IL33: variants seen among roughly 807,000 people sequenced by gnomAD.
IL33 encodes the protein interleukin-33.
IL33 carries 37 observed loss-of-function variants against 27.3 expected under a neutral mutation model. That is an observed-to-expected ratio of 1.36 (90% CI 1.04 to 1.78). The LOEUF (loss-of-function observed/expected upper bound fraction) is 1.78, where lower values mean the gene tolerates loss of function less well. Ranked by LOEUF, IL33 falls within the 40% of genes most tolerant of loss-of-function variation. The probability of loss-of-function intolerance (pLI) is 0.00; values close to 1 mark genes in which losing one functional copy is unlikely to be tolerated. For missense variants in IL33, 406 were observed against 311.4 expected, an observed-to-expected ratio of 1.30 and a Z score of -2.29; for synonymous variants, 132 against 102.9, an observed-to-expected ratio of 1.28 and a Z score of -1.71.
At chr9:6,251,349 C>T (rs1816347006) in intron 4 of IL33, 84 bp downstream of exon 4, 1 of 1,568,358 alleles carries the variant, frequency 6.4e-7, no homozygotes, top group Non-Finnish European at 8.6e-7. Context: ...AGGTAGCAGT[C>T]CCAAGTCTGT....
intron 6 of IL33, among the ~76,000 whole-genome samples, 176 bp from the exon 7 acceptor site, chr9:6,254,286 C>T (rs536971440): frequency 5.9e-5 from 9 of 152,092 alleles, no homozygotes; most frequent in Admixed American, 1.3e-4. Context: ...TTTATAAGTA[C>T]CCTCTACTTA....
In IL33 at chr9:6,257,817, T is replaced by TCTC. The variant is rs1816825632; in HGVS notation, c.*1649_*1650insCTC. 1 of 152,164 alleles carries TCTC rather than the reference T, an allele frequency of 6.6e-6. No individual in the cohort carries two copies. The highest frequency in any genetic ancestry group is 1.5e-5 in the Non-Finnish European group (1 of 68,014). The allele number at this position is 152,164 out of a possible 1,614,324, so 9.4% of individuals were successfully genotyped here. On this transcript the variant is annotated 3_prime_UTR_variant, in exon 8 of 8. Transcript: ENST00000682010. ...CTTTGTTTCATTGTTCTGTCAATAA[T>TCTC]TGTTACCAAAGAGATAAAAATAAAA... is the stretch of plus-strand genomic sequence containing the variant.
intron 2 of IL33, among the ~76,000 whole-genome samples, chr9:6,248,868 A>T (rs926020685): frequency 6.6e-6 from 1 of 152,106 alleles, no homozygotes; most frequent in Admixed American, 6.5e-5. Context: ...TGTGAGCCAC[A>T]GCACCTGGCC....
chr9:6,238,153 C>T (rs766270048), intron 1 of IL33, among the ~76,000 whole-genome samples: 2 of 152,130 alleles, frequency 1.3e-5, no homozygotes, highest in Non-Finnish European at 1.5e-5. Context: ...TAGGGAAGTA[C>T]TGGCATCAAG....
At chr9:6,238,383 A>G (rs537294047) in intron 1 of IL33, among the ~76,000 whole-genome samples, 1 of 152,266 alleles carries the variant, frequency 6.6e-6, no homozygotes, top group South Asian at 2.1e-4. Context: ...TGTGAGCACA[A>G]CATTTACTCC....
intron 2 of IL33, among the ~76,000 whole-genome samples, chr9:6,248,236 T>C (rs1056278686): frequency 8.2e-6 from 1 of 122,478 alleles, no homozygotes; most frequent in Admixed American, 1.1e-4. Context: ...TTTTCTTTTC[T>C]TTTCTTTTTT....
chr9:6,237,810 T>C (rs1379212961), intron 1 of IL33, among the ~76,000 whole-genome samples: 11 of 152,202 alleles, frequency 7.2e-5, no homozygotes, highest in Admixed American at 7.2e-4. Context: ...TTCTAGGATA[T>C]AAGTATCTTT....
At chr9:6,247,958 G>T (rs147186230) in intron 2 of IL33, among the ~76,000 whole-genome samples, 1 of 151,584 alleles carries the variant, frequency 6.6e-6, no homozygotes, top group Admixed American at 6.6e-5. Context: ...TACTTCCTCA[G>T]TATTGTGACC....
At chr9:6,251,645 A>C (rs1338698645) in intron 4 of IL33, among the ~76,000 whole-genome samples, 1 of 152,168 alleles carries the variant, frequency 6.6e-6, no homozygotes, top group Non-Finnish European at 1.5e-5. Context: ...CTAACACTTT[A>C]TACATTTTAA....
intron 1 of IL33, among the ~76,000 whole-genome samples, chr9:6,225,606 T>C (rs765590495): frequency 9.9e-5 from 15 of 152,256 alleles, no homozygotes; most frequent in Non-Finnish European, 2.2e-4. Context: ...CAAATGTTTA[T>C]TTCACAAGTT....
intron 1 of IL33, among the ~76,000 whole-genome samples, chr9:6,216,420 G>C (rs1402443679): frequency 6.6e-6 from 1 of 152,140 alleles, no homozygotes; most frequent in Non-Finnish European, 1.5e-5. Flanking sequence ...GCTTGCAATT[G>C]TTTACAAGTG....
At chr9:6,243,765 G>A (rs567719596) in intron 2 of IL33, among the ~76,000 whole-genome samples, 5 of 152,324 alleles carry the variant, frequency 3.3e-5, no homozygotes, top group African/African-American at 1.2e-4. Context: ...GAATGATGGT[G>A]GGGACTGGCA....
In IL33 at chr9:6,250,620, T is replaced by C. The variant is rs1377103203; in HGVS notation, c.217+21T>C. ...AACAGGTAAGGGGAACCGTACATTCTCTGGCAATAGTGATAAGTATCTGTT... is the reference window on the plus strand; with the variant it reads ...AACAGGTAAGGGGAACCGTACATTCCCTGGCAATAGTGATAAGTATCTGTT... On this transcript the variant is annotated intron_variant, in intron 3 of 7. Transcript: ENST00000682010. The C allele has an allele frequency of 3.7e-6, 6 of 1,606,984 alleles. No individual in the cohort carries two copies. The African/African-American group carries it at 6.7e-5, about 18-fold the overall frequency.
intron 1 of IL33, among the ~76,000 whole-genome samples, chr9:6,238,919 T>G (rs1819378831): frequency 6.6e-6 from 1 of 152,114 alleles, no homozygotes; most frequent in Non-Finnish European, 1.5e-5. Flanking sequence ...GATACAGAAC[T>G]CCATATTTTT....
chr9:6,248,731 T>G (rs1278548124), intron 2 of IL33, among the ~76,000 whole-genome samples: 1 of 151,866 alleles, frequency 6.6e-6, no homozygotes, highest in Non-Finnish European at 1.5e-5. Flanking sequence ...CAGGCCACCA[T>G]GCCCAGCTAC....
At chr9:6,235,051 T>C (rs1162068475) in intron 1 of IL33, among the ~76,000 whole-genome samples, 3 of 152,210 alleles carry the variant, frequency 2.0e-5, no homozygotes, top group Non-Finnish European at 4.4e-5. Flanking sequence ...CTTTATTTTT[T>C]TCATTTTTGG....
intron 7 of IL33, among the ~76,000 whole-genome samples, 155 bp from the exon 8 acceptor site, chr9:6,255,813 C>T (rs1215863519): frequency 6.6e-6 from 1 of 152,038 alleles, no homozygotes; most frequent in East Asian, 1.9e-4. Context: ...CCTCTACTCA[C>T]TTCTCCCCCT....
intron 1 of IL33, among the ~76,000 whole-genome samples, chr9:6,223,475 T>C (rs1435863383): frequency 6.6e-6 from 1 of 151,988 alleles, no homozygotes; most frequent in Non-Finnish European, 1.5e-5. Context: ...TTTTGATATA[T>C]CATGTTTTTC....
chr9:6,246,538 A>T (rs1479745791), intron 2 of IL33, among the ~76,000 whole-genome samples: 1 of 152,102 alleles, frequency 6.6e-6, no homozygotes, highest in African/African-American at 2.4e-5. Flanking sequence ...CTCCAGCCTG[A>T]CAACAGAGCG....
Sources: gnomAD v4.1 joint callset for allele counts (sites outside exome capture counted in the v4.1 genomes callset) on GRCh38, gnomAD v4.1.1 for gene constraint, MANE v1.5 for transcripts, NCBI Gene and HGNC (gene_info 2026-07-23, HGNC 2026-07-21) for gene names.